The following TMOD1 variants were observed in gnomAD, a reference collection of about 807,000 sequenced individuals.
TMOD1 encodes tropomodulin-1.
In TMOD1, 17 loss-of-function variants were observed where a neutral mutation model predicts 40.6. The ratio of observed to expected loss-of-function variants is 0.42; its 90% confidence interval spans 0.29 to 0.63. The LOEUF is 0.63. TMOD1 is among the 20% of genes least tolerant of loss of function. The pLI, the probability that TMOD1 is intolerant of heterozygous loss-of-function variation, is 0.22. For missense variants in TMOD1, 391 were observed against 447.6 expected, an observed-to-expected ratio of 0.87 and a Z score of 1.14; for synonymous variants, 181 against 175.0, an observed-to-expected ratio of 1.03 and a Z score of -0.27.
At chr9:97,510,732 G>C (rs1299662159) in intron 1 of TMOD1, among the ~76,000 whole-genome samples, 1 of 152,184 alleles carries the variant, frequency 6.6e-6, no homozygotes, top group East Asian at 1.9e-4. Flanking sequence ...AGGGGTGCCT[G>C]AAGATAATGC....
chr9:97,520,117 T>A (rs1829891630), intron 1 of TMOD1, among the ~76,000 whole-genome samples: 1 of 152,160 alleles, frequency 6.6e-6, no homozygotes. Context: ...CACTTATCCC[T>A]AACCCTTTGC....
chr9:97,503,675 C>T (rs558175950), intron 1 of TMOD1, among the ~76,000 whole-genome samples: 4 of 152,334 alleles, frequency 2.6e-5, no homozygotes, highest in Admixed American at 6.5e-5. Flanking sequence ...CACACCTTCT[C>T]CCTCCTTCAG....
chr9:97,572,766 G>A (rs977303776), intron 8 of TMOD1, among the ~76,000 whole-genome samples: 2 of 152,120 alleles, frequency 1.3e-5, no homozygotes, highest in African/African-American at 2.4e-5. Flanking sequence ...CTCCTTATAC[G>A]GCCAGGGAAA....
intron 1 of TMOD1, among the ~76,000 whole-genome samples, chr9:97,515,201 GA>G (rs71369514): frequency 0.16 from 22,625 of 141,310 alleles, 1,837 homozygotes; most frequent in East Asian, 0.21. Context: ...AAACAAAAAT[GA>G]AAAAAAAAAA....
At chr9:97,570,780 G>C (rs557848040) in intron 8 of TMOD1, among the ~76,000 whole-genome samples, 1 of 152,188 alleles carries the variant, frequency 6.6e-6, no homozygotes, top group Non-Finnish European at 1.5e-5. Flanking sequence ...ATTGTTCACA[G>C]CACAATGAGG....
chr9:97,589,745 T>C (rs1825963425), intron 8 of TMOD1, among the ~76,000 whole-genome samples: 1 of 152,204 alleles, frequency 6.6e-6, no homozygotes. Flanking sequence ...CCCAGTAAAA[T>C]GTTGGTGAGA....
chr9:97,554,847 G>A (rs947244752), intron 4 of TMOD1, among the ~76,000 whole-genome samples: 1 of 152,152 alleles, frequency 6.6e-6, no homozygotes, highest in Non-Finnish European at 1.5e-5. Context: ...CAGGGGTGGG[G>A]GAGCCACTGG....
At chr9:97,539,198 C>T (rs1015500774) in intron 2 of TMOD1, among the ~76,000 whole-genome samples, 5 of 152,092 alleles carry the variant, frequency 3.3e-5, no homozygotes, top group African/African-American at 1.2e-4. Context: ...ATTCATTTAG[C>T]AGATGTTTAT....
intron 9 of TMOD1, among the ~76,000 whole-genome samples, chr9:97,599,289 A>AAGAC: frequency 6.6e-6 from 1 of 152,328 alleles, no homozygotes; most frequent in Middle Eastern, 3.4e-3. Context: ...TCTCATTAAG[A>AAGAC]AGACTGACTA....
At chr9:97,537,738 T>C (rs762071342) in intron 2 of TMOD1, among the ~76,000 whole-genome samples, 15 of 152,366 alleles carry the variant, frequency 9.8e-5, no homozygotes, top group Non-Finnish European at 1.9e-4. Context: ...AATTAAACTT[T>C]GTATTTTCAA....
At chr9:97,556,401 C>G (rs907606763) in intron 4 of TMOD1, among the ~76,000 whole-genome samples, 5 of 152,148 alleles carry the variant, frequency 3.3e-5, no homozygotes, top group African/African-American at 1.2e-4. Flanking sequence ...GCAGGCCCAC[C>G]AGAGAGTGGT....
chr9:97,596,550 A>G (rs1431488204), intron 9 of TMOD1, among the ~76,000 whole-genome samples: 1 of 152,232 alleles, frequency 6.6e-6, no homozygotes, highest in Non-Finnish European at 1.5e-5. Context: ...AAGTCTAGGG[A>G]AGTAGGTAAT....
intron 6 of TMOD1, among the ~76,000 whole-genome samples, chr9:97,565,299 A>G (rs2131267195): frequency 6.6e-6 from 1 of 152,232 alleles, no homozygotes; most frequent in African/African-American, 2.4e-5. Flanking sequence ...AGAGATTCTG[A>G]TTCTATTGTT....
chr9:97,570,960 G>A (rs1346254373), intron 8 of TMOD1, among the ~76,000 whole-genome samples: 3 of 152,190 alleles, frequency 2.0e-5, no homozygotes, highest in Non-Finnish European at 2.9e-5. Context: ...TGCATCTCTC[G>A]CATGCCGGTG....
chr9:97,519,590 C>T (rs77834412), intron 1 of TMOD1, among the ~76,000 whole-genome samples: 9,672 of 152,260 alleles, frequency 0.064, 422 homozygotes, highest in South Asian at 0.11. Flanking sequence ...CCCTCCAGAT[C>T]TGGTCCAATC....
intron 2 of TMOD1, among the ~76,000 whole-genome samples, chr9:97,529,675 A>T (rs930850216): frequency 4.6e-5 from 7 of 152,210 alleles, no homozygotes; most frequent in Admixed American, 6.5e-5. Context: ...CTGATTCCCC[A>T]GAGGATCTGC....
chr9:97,596,058 G>A (rs1232762749), intron 9 of TMOD1, among the ~76,000 whole-genome samples: 1 of 150,662 alleles, frequency 6.6e-6, no homozygotes, highest in Non-Finnish European at 1.5e-5. Flanking sequence ...TGGGCAACAA[G>A]AAAACTCCAT....
Position 97,551,014 on chromosome 9 carries a change from A to ATT in TMOD1, c.278-2240_278-2239dup, listed in dbSNP as rs55700746. On this transcript the variant is annotated intron_variant, in intron 3 of 9. Transcript: ENST00000259365. ...ATTTTATATATATATATATATATAT[A>ATT]TTTTTTTTTTTTTTTTTTTTTTTTT... 3.5e-3 allele frequency among the ~76,000 whole-genome samples: 362 copies of ATT among 104,084 alleles called. 8 individuals carry two copies. Among genetic ancestry groups the ATT allele is most frequent in the Non-Finnish European group, 5.2e-3 (282 of 54,756 alleles). The allele number at this position is 104,084 out of a possible 152,430, so 68.3% of individuals were successfully genotyped here.
chr9:97,599,632 A>G lies in TMOD1; in HGVS notation c.1016-2A>G, dbSNP rs1826207846. 6.2e-7 allele frequency: 1 copy of G among 1,614,058 alleles called. No homozygotes were observed. The highest frequency in any genetic ancestry group is 8.5e-7 in the Non-Finnish European group (1 of 1,179,984). On this transcript the variant is annotated splice_acceptor_variant, in intron 9 of 9. Transcript: ENST00000259365. LOFTEE classifies it high-confidence loss of function. ...TTATATCTTATCTCCATTCCTTTCC[A>G]GTGAGGAAGAGGAGGCTTGCGGACC...
Sources: gnomAD v4.1 joint callset for allele counts (sites outside exome capture counted in the v4.1 genomes callset) on GRCh38, gnomAD v4.1.1 for gene constraint, MANE v1.5 for transcripts, NCBI Gene and HGNC (gene_info 2026-07-23, HGNC 2026-07-21) for gene names.